The following DGKB variants were observed in gnomAD, a reference collection of about 807,000 sequenced individuals.
DGKB encodes the protein 90 kDa diacylglycerol kinase.
In DGKB, 67 loss-of-function variants were observed where a neutral mutation model predicts 114.3. The ratio of observed to expected loss-of-function variants is 0.59; its 90% confidence interval spans 0.48 to 0.72. DGKB has a LOEUF of 0.72. Among genes scored for constraint, DGKB ranks in the 30% least tolerant of loss-of-function variants. DGKB has a pLI of 0.00. For synonymous variants in DGKB, 398 were observed against 323.1 expected (o/e 1.23, Z -2.49); for missense variants, 907 against 975.2 (o/e 0.93, Z 0.93).
chr7:14,913,649 T>G (rs1028867649), intron 1 of DGKB, among the ~76,000 whole-genome samples: 1 of 151,630 alleles, frequency 6.6e-6, no homozygotes, highest in African/African-American at 2.4e-5. Context: ...TAAATTGAAA[T>G]GGGAAGAAAA....
At chr7:14,862,692 T>C (rs889065080) in intron 1 of DGKB, among the ~76,000 whole-genome samples, 3 of 152,094 alleles carry the variant, frequency 2.0e-5, no homozygotes, top group Non-Finnish European at 4.4e-5. Context: ...TGTTTTTTGC[T>C]TGTACTTAAA....
intron 2 of DGKB, among the ~76,000 whole-genome samples, chr7:14,805,386 TC>T (rs1842670548): frequency 6.6e-6 from 1 of 152,102 alleles, no homozygotes. Context: ...TTTCTTTTTC[TC>T]TGTATATACT....
intron 23 of DGKB, among the ~76,000 whole-genome samples, chr7:14,267,468 AT>A (rs34348388): frequency 3.6e-4 from 40 of 110,284 alleles, no homozygotes; most frequent in Admixed American, 1.3e-3. Flanking sequence ...ATAAGTGCTT[AT>A]TTTTTTTTTC....
intron 2 of DGKB, among the ~76,000 whole-genome samples, chr7:14,790,904 G>A (rs1302767034): frequency 6.6e-6 from 1 of 152,060 alleles, no homozygotes; most frequent in Non-Finnish European, 1.5e-5. Flanking sequence ...AGGGAGAACT[G>A]CCATCTTTGC....
intron 23 of DGKB, among the ~76,000 whole-genome samples, chr7:14,329,762 C>T (rs1809394157): frequency 6.6e-6 from 1 of 151,982 alleles, no homozygotes; most frequent in Admixed American, 6.6e-5. Flanking sequence ...TGGATAGCCT[C>T]ATATCTGGAA....
chr7:14,769,233 AG>A (rs1837014558), intron 2 of DGKB, among the ~76,000 whole-genome samples: 1 of 94,552 alleles, frequency 1.1e-5, no homozygotes, highest in African/African-American at 4.7e-5. Flanking sequence ...AGAGAGAGAA[AG>A]AAAGAAAGAA....
intron 2 of DGKB, among the ~76,000 whole-genome samples, chr7:14,823,716 A>C (rs1361246625): frequency 6.6e-6 from 1 of 152,196 alleles, no homozygotes; most frequent in African/African-American, 2.4e-5. Context: ...CTTAGAAGAA[A>C]GTGAGGCTAA....
intron 19 of DGKB, among the ~76,000 whole-genome samples, chr7:14,578,620 A>G (rs1429680338): frequency 6.6e-6 from 1 of 152,210 alleles, no homozygotes; most frequent in African/African-American, 2.4e-5. Context: ...ATGTACCTCC[A>G]GTTTGGCTAC....
At chr7:14,914,535 A>G (rs2128244817) in intron 1 of DGKB, among the ~76,000 whole-genome samples, 1 of 152,304 alleles carries the variant, frequency 6.6e-6, no homozygotes, top group South Asian at 2.1e-4. Flanking sequence ...CCACATTGAC[A>G]TAAATGATCA....
intron 1 of DGKB, among the ~76,000 whole-genome samples, chr7:14,878,608 G>C (rs1464483158): frequency 1.3e-5 from 2 of 151,938 alleles, no homozygotes; most frequent in African/African-American, 4.8e-5. Context: ...AATTAGCTGG[G>C]CGTAGTGGCG....
At chr7:14,320,743 TTAGA>T (rs1056539605) in intron 23 of DGKB, among the ~76,000 whole-genome samples, 1 of 152,036 alleles carries the variant, frequency 6.6e-6, no homozygotes, top group Non-Finnish European at 1.5e-5. Context: ...GCCTCTGTTA[TTAGA>T]TAAAGTAGTT....
chr7:14,796,609 T>C lies in DGKB; in HGVS notation c.71-38878A>G, dbSNP rs991127586. Among the ~76,000 whole-genome samples, 5 of 151,304 alleles carry C rather than the reference T, an allele frequency of 3.3e-5. No homozygotes were observed. The South Asian group carries it at 8.3e-4, about 25-fold the overall frequency. On this transcript the variant is annotated intron_variant, in intron 2 of 25. Coordinates refer to ENST00000402815, the MANE Select transcript of DGKB (RefSeq NM_001350709.2). ...GGAAGTGGTCCAGTCAAAGCAAAAG[T>C]GAACTGCTCAAAAGCAAAGATCATT... is the stretch of plus-strand genomic sequence containing the variant.
At chr7:14,543,768 C>T (rs1300591050) in intron 20 of DGKB, among the ~76,000 whole-genome samples, 2 of 152,258 alleles carry the variant, frequency 1.3e-5, no homozygotes, top group East Asian at 3.9e-4. Context: ...AAAATCAAGA[C>T]ACTGCTAGCT....
intron 17 of DGKB, among the ~76,000 whole-genome samples, chr7:14,600,504 G>C (rs148835441): frequency 3.4e-4 from 51 of 152,160 alleles, no homozygotes; most frequent in African/African-American, 1.2e-3. Context: ...TCCTCTAACC[G>C]TCATCTAAAT....
chr7:14,795,715 G>A (rs996896869), intron 2 of DGKB, among the ~76,000 whole-genome samples: 14 of 152,106 alleles, frequency 9.2e-5, no homozygotes, highest in African/African-American at 3.1e-4. Flanking sequence ...GTAATGGACA[G>A]TAGAGTTAAA....
At chr7:14,929,942 C>A (rs1467843413) in intron 1 of DGKB, among the ~76,000 whole-genome samples, 2 of 152,056 alleles carry the variant, frequency 1.3e-5, no homozygotes, top group Non-Finnish European at 2.9e-5. Context: ...TTGCTTACAG[C>A]AATCCAATTT....
At chr7:14,775,022 C>A (rs980783059) in intron 2 of DGKB, among the ~76,000 whole-genome samples, 3 of 152,010 alleles carry the variant, frequency 2.0e-5, no homozygotes, top group South Asian at 2.1e-4. Context: ...GAATATATAA[C>A]CTTCCATGAT....
intron 13 of DGKB, among the ~76,000 whole-genome samples, chr7:14,659,344 T>G (rs1305338049): frequency 2.0e-5 from 3 of 152,108 alleles, no homozygotes; most frequent in Non-Finnish European, 2.9e-5. Flanking sequence ...TTTCACGATA[T>G]TGATTCTTCC....
chr7:14,656,617 G>T (rs561175081), intron 13 of DGKB, among the ~76,000 whole-genome samples: 95 of 151,140 alleles, frequency 6.3e-4, no homozygotes, highest in African/African-American at 2.2e-3. Context: ...TGTCTTATGG[G>T]GCTTTTGTTT....
Sources: gnomAD v4.1 joint callset for allele counts (sites outside exome capture counted in the v4.1 genomes callset) on GRCh38, gnomAD v4.1.1 for gene constraint, MANE v1.5 for transcripts, NCBI Gene and HGNC (gene_info 2026-07-23, HGNC 2026-07-21) for gene names.